The following PRPSAP2 variants were observed in gnomAD, a reference collection of about 807,000 sequenced individuals.
PRPSAP2 encodes the protein phosphoribosyl pyrophosphate synthetase associated protein 2.
PRPSAP2 carries 24 observed loss-of-function variants against 40.6 expected under a neutral mutation model. That is an observed-to-expected ratio of 0.59 (90% CI 0.43 to 0.83). The LOEUF is 0.83. Among genes scored for constraint, PRPSAP2 ranks in the 40% least tolerant of loss-of-function variants. PRPSAP2 has a pLI of 0.00. For missense variants in PRPSAP2, 292 were observed against 465.6 expected (o/e 0.63, Z 3.43); for synonymous variants, 149 against 164.7 (o/e 0.90, Z 0.73).
intron 10 of PRPSAP2, 66 bp downstream of exon 10, chr17:18,924,050 GATT>G (rs2041838851): frequency 6.7e-7 from 1 of 1,482,316 alleles, no homozygotes; most frequent in Non-Finnish European, 9.4e-7. Context: ...TTGATTGATT[GATT>G]GATTTTATTA....
At chr17:18,876,518 C>G (rs1359160162) in intron 5 of PRPSAP2, among the ~76,000 whole-genome samples, 1 of 152,200 alleles carries the variant, frequency 6.6e-6, no homozygotes, top group African/African-American at 2.4e-5. Context: ...TTTTGAATGT[C>G]TACAATATGT....
At chr17:18,893,241 C>G (rs796482806) in intron 8 of PRPSAP2, among the ~76,000 whole-genome samples, 13 of 150,356 alleles carry the variant, frequency 8.6e-5, no homozygotes, top group African/African-American at 3.2e-4. Context: ...CTCTGCCTCC[C>G]GGGTACAAGC....
intron 1 of PRPSAP2, among the ~76,000 whole-genome samples, chr17:18,862,791 TTTTA>T (rs199576423): frequency 1.9e-3 from 279 of 149,314 alleles, no homozygotes; most frequent in Middle Eastern, 6.8e-3. Flanking sequence ...TGTAACACCC[TTTTA>T]TTTATTTATT....
intron 4 of PRPSAP2, among the ~76,000 whole-genome samples, chr17:18,870,888 T>C (rs1293945041): frequency 6.6e-6 from 1 of 151,854 alleles, no homozygotes; most frequent in Non-Finnish European, 1.5e-5. Flanking sequence ...TGGCCTCAAG[T>C]GATCTGCCCG....
At chr17:18,926,785 T>G (rs896660448) in intron 10 of PRPSAP2, among the ~76,000 whole-genome samples, 2 of 127,852 alleles carry the variant, frequency 1.6e-5, no homozygotes, top group African/African-American at 5.7e-5. Context: ...TGAGTGTGTG[T>G]GTGTGTGTGT....
chr17:18,879,746 G>A (rs72834996), intron 6 of PRPSAP2, among the ~76,000 whole-genome samples: 79,731 of 150,370 alleles, frequency 0.53, 21,209 homozygotes, highest in Middle Eastern at 0.59. Context: ...GAGCCACCAC[G>A]CCCAGCCCAG....
rs1174507155 is a variant in PRPSAP2, at chr17:18,886,560, G to A, written c.529-3262G>A. 5.9e-5 allele frequency among the ~76,000 whole-genome samples: 9 copies of A among 151,932 alleles called. No individual in the cohort carries two copies. In the South Asian group the frequency reaches 1.7e-3, roughly 28 times the overall value. ...GTTTTAGTAGAGATGGGGTTTCACCGTGTTAACCAGGATGGTCTCAATCTC... is the reference window on the plus strand; with the variant it reads ...GTTTTAGTAGAGATGGGGTTTCACCATGTTAACCAGGATGGTCTCAATCTC... On this transcript the variant is annotated intron_variant, in intron 7 of 11. Transcript: ENST00000268835.
intron 8 of PRPSAP2, among the ~76,000 whole-genome samples, chr17:18,893,993 G>A (rs1369387137): frequency 6.6e-6 from 1 of 152,014 alleles, no homozygotes; most frequent in African/African-American, 2.4e-5. Flanking sequence ...AAGTAGCTGG[G>A]ATTACAGGTG....
chr17:18,927,664 T>A (rs145529606), intron 10 of PRPSAP2, among the ~76,000 whole-genome samples: 135 of 152,340 alleles, frequency 8.9e-4, no homozygotes, highest in African/African-American at 3.1e-3. Flanking sequence ...CACTTACAAA[T>A]GCAGTTGTTG....
chr17:18,857,752 A>G (rs891939822), upstream of PRPSAP2: 1 of 152,272 alleles, frequency 6.6e-6, no homozygotes, highest in South Asian at 2.1e-4. Flanking sequence ...CAACAGTCTT[A>G]TGGAATGGGT....
chr17:18,883,691 G>T (rs4334348), intron 7 of PRPSAP2, among the ~76,000 whole-genome samples: 80,268 of 151,638 alleles, frequency 0.53, 21,490 homozygotes, highest in Middle Eastern at 0.6. Flanking sequence ...TGGCCTTAGC[G>T]GTTTTTCTTA....
chr17:18,880,127 C>T (rs2038621364), intron 6 of PRPSAP2, among the ~76,000 whole-genome samples: 1 of 151,934 alleles, frequency 6.6e-6, no homozygotes, highest in Admixed American at 6.6e-5. Context: ...AAAAACTCAA[C>T]CCGAAGCAAC....
Position 18,865,805 on chromosome 17 carries a change from C to T in PRPSAP2, c.-29C>T. ...AATAAGTATTATATCCTTCTAGGCTCTGAAAATTGGAAAACCAAGAAGGTT... is the reference window on the plus strand; with the variant it reads ...AATAAGTATTATATCCTTCTAGGCTTTGAAAATTGGAAAACCAAGAAGGTT... On this transcript the variant is annotated 5_prime_UTR_variant, in exon 3 of 12. Coordinates refer to ENST00000268835, the MANE Select transcript of PRPSAP2 (RefSeq NM_002767.4). 1 of 1,443,748 alleles carries T rather than the reference C, an allele frequency of 6.9e-7. No homozygotes were observed. The highest frequency in any genetic ancestry group is 1.6e-5 in the South Asian group (1 of 62,076). 89.4% of individuals were successfully genotyped at this position (1,443,748 alleles called of 1,614,324 possible). A position where few individuals can be genotyped will look rare whatever the true frequency, so the allele number is the denominator to read the frequency against.
chr17:18,886,446 C>A (rs2039150515), intron 7 of PRPSAP2, among the ~76,000 whole-genome samples: 1 of 152,004 alleles, frequency 6.6e-6, no homozygotes, highest in African/African-American at 2.4e-5. Context: ...AGCTCCGCCT[C>A]CCGGGTTCAC....
chr17:18,909,171 G>A (rs1357964894), intron 8 of PRPSAP2, among the ~76,000 whole-genome samples: 1 of 151,720 alleles, frequency 6.6e-6, no homozygotes, highest in Non-Finnish European at 1.5e-5. Flanking sequence ...AGATGTGGAG[G>A]AACTGGATCT....
intron 6 of PRPSAP2, among the ~76,000 whole-genome samples, chr17:18,878,970 A>G (rs1176504948): frequency 6.6e-6 from 1 of 151,666 alleles, no homozygotes; most frequent in Non-Finnish European, 1.5e-5. Flanking sequence ...CCTGGGTTCA[A>G]GCGATTTTTG....
At chr17:18,869,345 T>TC (rs1282288831) in intron 4 of PRPSAP2, among the ~76,000 whole-genome samples, 3 of 150,940 alleles carry the variant, frequency 2.0e-5, no homozygotes, top group Admixed American at 1.3e-4. Context: ...TCTTTTCTTT[T>TC]TTTTTTTTTT....
intron 6 of PRPSAP2, among the ~76,000 whole-genome samples, chr17:18,879,442 G>T (rs1219900968): frequency 2.0e-5 from 3 of 150,446 alleles, no homozygotes; most frequent in Admixed American, 6.7e-5. Flanking sequence ...ACACCAACAT[G>T]CCCAACTAAT....
chr17:18,917,584 A>ATTTTTTTTTTTTTTTTTTTTTTTTT lies in PRPSAP2; in HGVS notation c.734-6319_734-6295dup. On this transcript the variant is annotated intron_variant, in intron 9 of 11. Transcript: ENST00000268835. ...TATTATTATTATTATTATTATTATT[A>ATTTTTTTTTTTTTTTTTTTTTTTTT]TTTTTTTTTTTTTTTTTTTTTTTTT... The ATTTTTTTTTTTTTTTTTTTTTTTTT allele has an allele frequency of 6.2e-5, 2 of 32,364 alleles. 1 individual carries two copies. 2.0% of individuals were successfully genotyped at this position (32,364 alleles called of 1,614,324 possible). A position where few individuals can be genotyped will look rare whatever the true frequency, so the allele number is the denominator to read the frequency against.
Sources: gnomAD v4.1 joint callset for allele counts (sites outside exome capture counted in the v4.1 genomes callset) on GRCh38, gnomAD v4.1.1 for gene constraint, MANE v1.5 for transcripts, NCBI Gene and HGNC (gene_info 2026-07-23, HGNC 2026-07-21) for gene names.